GALNT7: variants seen among roughly 807,000 people sequenced by gnomAD.
The protein encoded by GALNT7 is polypeptide N-acetylgalactosaminyltransferase 7, also known as N-acetylgalactosaminyltransferase 7.
In GALNT7, 60 loss-of-function variants were observed where a neutral mutation model predicts 82.1. The ratio of observed to expected loss-of-function variants is 0.73; its 90% CI spans 0.59 to 0.91. The LOEUF (loss-of-function observed/expected upper bound fraction) is 0.91. Among genes scored for constraint, GALNT7 ranks in the 40% least tolerant of loss-of-function variants. The probability of loss-of-function intolerance (pLI) is 0.00; values close to 1 mark genes in which losing one functional copy is unlikely to be tolerated. For missense variants in GALNT7, 660 were observed against 804.2 expected (o/e 0.82, Z 2.17); for synonymous variants, 243 against 275.1 (o/e 0.88, Z 1.15).
At chr4:173,273,940 A>G (rs908236317) in intron 2 of GALNT7, among the ~76,000 whole-genome samples, 5 of 152,152 alleles carry the variant, frequency 3.3e-5, no homozygotes, top group Non-Finnish European at 5.9e-5. Flanking sequence ...ATGGTGCCCA[A>G]TGTTGATCCT....
intron 2 of GALNT7, among the ~76,000 whole-genome samples, chr4:173,268,740 C>T (rs1448273216): frequency 3.3e-5 from 5 of 151,086 alleles, no homozygotes; most frequent in South Asian, 4.2e-4. Flanking sequence ...GGGGTTTCAC[C>T]GTGTTAGCCA....
At chr4:173,294,186 A>G (rs1459005906) in intron 3 of GALNT7, among the ~76,000 whole-genome samples, 2 of 152,144 alleles carry the variant, frequency 1.3e-5, no homozygotes. Flanking sequence ...TTTAACTTGT[A>G]TATGCAAAAA....
chr4:173,275,425 G>A (rs1476944178), intron 2 of GALNT7, among the ~76,000 whole-genome samples: 1 of 152,178 alleles, frequency 6.6e-6, no homozygotes, highest in African/African-American at 2.4e-5. Context: ...CACAGACTAT[G>A]GGAGTGCCAG....
intron 1 of GALNT7, among the ~76,000 whole-genome samples, chr4:173,195,261 AT>A (rs2126644870): frequency 6.6e-6 from 1 of 152,272 alleles, no homozygotes; most frequent in South Asian, 2.1e-4. Context: ...AAATTTAGTT[AT>A]TTCTGAAAAA....
intron 9 of GALNT7, among the ~76,000 whole-genome samples, chr4:173,315,033 G>C (rs1025198517): frequency 6.6e-6 from 1 of 151,206 alleles, no homozygotes; most frequent in Non-Finnish European, 1.5e-5. Flanking sequence ...GATAATGACA[G>C]ATGGTGATAA....
intron 1 of GALNT7, among the ~76,000 whole-genome samples, chr4:173,204,614 T>C (rs1733033096): frequency 6.6e-6 from 1 of 152,230 alleles, no homozygotes; most frequent in Non-Finnish European, 1.5e-5. Context: ...ATTGCATTTT[T>C]CATTTAACTC....
intron 1 of GALNT7, among the ~76,000 whole-genome samples, chr4:173,197,045 CTCTA>C (rs1279046512): frequency 6.9e-6 from 1 of 144,610 alleles, no homozygotes; most frequent in African/African-American, 2.5e-5. Context: ...ATTTTAGATT[CTCTA>C]TCTCTCTCTC....
chr4:173,293,861 T>C (rs1419426735), intron 3 of GALNT7, among the ~76,000 whole-genome samples: 1 of 152,200 alleles, frequency 6.6e-6, no homozygotes, highest in Non-Finnish European at 1.5e-5. Flanking sequence ...AGAGGGGCAG[T>C]GGGAAAGAAG....
rs1295422093 is a variant in GALNT7, at chr4:173,298,314, TTACA to T, written c.1148+20_1148+23del. On this transcript the variant is annotated intron_variant, in intron 6 of 11. Transcript: ENST00000265000. ...ACCGTATCGGTAATCACTAAATCAC[TTACA>T]TATTTTTCTTTTCTCCAGTTGCTGC... 6.6e-7 allele frequency: 1 copy of T among 1,512,984 alleles called. No homozygotes were observed. Among genetic ancestry groups the T allele is most frequent in the South Asian group, 1.3e-5 (1 of 75,436 alleles). The allele number at this position is 1,512,984 out of a possible 1,614,324, so 93.7% of individuals were successfully genotyped here.
chr4:173,229,049 A>G (rs1028132148), intron 1 of GALNT7, among the ~76,000 whole-genome samples: 25 of 152,316 alleles, frequency 1.6e-4, no homozygotes, highest in African/African-American at 6.0e-4. Flanking sequence ...GGCAGACAAC[A>G]GATTTTTGAA....
rs28642808 is a variant in GALNT7, at chr4:173,264,070, G to A, written c.587+15630G>A. The stretch of plus-strand genomic sequence containing the variant: ...ATAATTGTTTTAAAGTTAGTCTTAG[G>A]ACCAAATTTTCAGTAGGAAAATAAT... On this transcript the variant is annotated intron_variant, in intron 2 of 11. Transcript: ENST00000265000. Among the ~76,000 whole-genome samples, 405 of 152,140 alleles carry A rather than the reference G, an allele frequency of 2.7e-3. 3 individuals are homozygous for A. The highest frequency in any genetic ancestry group is 9.3e-3 in the African/African-American group (388 of 41,502).
Position 173,287,415 on chromosome 4 carries a change from G to A in GALNT7, c.588-4693G>A, listed in dbSNP as rs575775362. On this transcript the variant is annotated intron_variant, in intron 2 of 11. Coordinates refer to ENST00000265000, the MANE Select transcript of GALNT7 (RefSeq NM_017423.3). ...CGGCAGTGAAGTTGGGGCTTGCCCC[G>A]AGTGAACTTTAGGGTCTGAGGACTA... is the stretch of plus-strand genomic sequence containing the variant. Among the ~76,000 whole-genome samples the A allele has an allele frequency of 4.6e-5, 7 of 152,346 alleles. No individual in the cohort carries two copies. The South Asian group carries it at 6.2e-4, about 14-fold the overall frequency.
intron 2 of GALNT7, among the ~76,000 whole-genome samples, chr4:173,266,868 G>GGT (rs71596614): frequency 0.13 from 12,385 of 94,786 alleles, 1,021 homozygotes; most frequent in Middle Eastern, 0.16. Context: ...GGCTGGGAAG[G>GGT]GTGTGTGTGT....
chr4:173,187,574 G>A (rs1358133830), intron 1 of GALNT7, among the ~76,000 whole-genome samples: 1 of 152,180 alleles, frequency 6.6e-6, no homozygotes, highest in Non-Finnish European at 1.5e-5. Context: ...AAGAGAAACA[G>A]AAGCCATCAC....
chr4:173,246,130 A>G (rs780301445), intron 1 of GALNT7, among the ~76,000 whole-genome samples: 17 of 152,308 alleles, frequency 1.1e-4, no homozygotes, highest in East Asian at 1.9e-4. Context: ...CTATTTTACA[A>G]TCCTGGAAAT....
intron 1 of GALNT7, among the ~76,000 whole-genome samples, chr4:173,205,332 G>A (rs975869656): frequency 2.6e-5 from 4 of 151,898 alleles, no homozygotes; most frequent in African/African-American, 9.7e-5. Flanking sequence ...TACAGAGGCT[G>A]ACCACGTACT....
chr4:173,285,685 C>T lies in GALNT7; in HGVS notation c.588-6423C>T, dbSNP rs543073365. On this transcript the variant is annotated intron_variant, in intron 2 of 11. Coordinates refer to ENST00000265000, the MANE Select transcript of GALNT7 (RefSeq NM_017423.3). The stretch of plus-strand genomic sequence containing the variant: ...TTAATTGGCCTTTTTATAGACTTCA[C>T]ATATATATCACATGTATGACTACAC... 2.2e-3 allele frequency among the ~76,000 whole-genome samples: 330 copies of T among 152,304 alleles called. 2 individuals are homozygous for T. The highest frequency in any genetic ancestry group is 4.0e-3 in the Non-Finnish European group (274 of 68,028).
chr4:173,264,637 G>T (rs1047721519), intron 2 of GALNT7, among the ~76,000 whole-genome samples: 1 of 152,108 alleles, frequency 6.6e-6, no homozygotes, highest in Admixed American at 6.5e-5. Context: ...CTTTAAATCC[G>T]TGGGCTCCTC....
At chr4:173,316,105 A>T (rs1443160582) in intron 9 of GALNT7, 2 of 152,274 alleles carry the variant, frequency 1.3e-5, no homozygotes, top group Non-Finnish European at 2.9e-5. Context: ...ACCTTCACCT[A>T]TGAGTGAAGA....
Sources: allele counts gnomAD v4.1 joint callset (sites outside exome capture counted in the v4.1 genomes callset), GRCh38; gene constraint gnomAD v4.1.1; transcripts MANE v1.5; gene names NCBI Gene and HGNC (gene_info 2026-07-23, HGNC 2026-07-21).